Variants in MAP4K4 observed in about 807,000 individuals in gnomAD.
MAP4K4 encodes the protein HPK/GCK-like kinase HGK.
A neutral mutation model predicts 189.6 loss-of-function variants in MAP4K4; 38 were observed. That is an observed-to-expected ratio of 0.20 (90% CI 0.15 to 0.26). The LOEUF is 0.26. Among genes scored for constraint, MAP4K4 ranks in the 10% least tolerant of loss-of-function variants. The pLI is 1.00. For synonymous variants in MAP4K4, 610 were observed against 624.3 expected (o/e 0.98, Z 0.34); for missense variants, 1,054 against 1,726.9 (o/e 0.61, Z 6.91).
intron 2 of MAP4K4, among the ~76,000 whole-genome samples, chr2:101,745,449 A>AG (rs1480475082): frequency 7.5e-5 from 6 of 79,538 alleles, no homozygotes; most frequent in East Asian, 1.4e-3. Flanking sequence ...AAAAAAAAAA[A>AG]AAAAAAAAAG....
exon 33 of MAP4K4, chr2:101,891,413 A>G (rs1262713714): frequency 1.7e-6 from 1 of 594,024 alleles, no homozygotes; most frequent in Non-Finnish European, 3.0e-6. Context: ...TTCCTCTTAT[A>G]TACCAGTTTA....
At chr2:101,759,542 CTCCCCTCCCCT>C (rs1558774253) in intron 2 of MAP4K4, among the ~76,000 whole-genome samples, 82 of 31,352 alleles carry the variant, frequency 2.6e-3, no homozygotes, top group South Asian at 4.7e-3. Context: ...CCCCATTCCA[CTCCCCTCCCCT>C]CTCCCCTCCC....
rs573097396 is a variant in MAP4K4, at chr2:101,870,224, C to T, written c.2640-71C>T. 7.0e-5 allele frequency: 106 copies of T among 1,521,624 alleles called. No homozygotes were observed. In the African/African-American group the frequency reaches 1.1e-3, roughly 16 times the overall value. The allele number at this position is 1,521,624 out of a possible 1,614,324, so 94.3% of individuals were successfully genotyped here. A position where few individuals can be genotyped will look rare whatever the true frequency, so the allele number is the denominator to read the frequency against. On this transcript the variant is annotated intron_variant, in intron 22 of 32. Transcript: ENST00000324219. Reference sequence around the variant, plus strand: ...ATCTCATGTTTTGATTTTGAGAAGGCGAAAAGCCTAAACAGGATCTCCTTG... The same window carrying T: ...ATCTCATGTTTTGATTTTGAGAAGGTGAAAAGCCTAAACAGGATCTCCTTG...
intron 10 of MAP4K4, among the ~76,000 whole-genome samples, chr2:101,842,391 A>G (rs926296455): frequency 2.6e-5 from 4 of 152,144 alleles, no homozygotes; most frequent in African/African-American, 7.2e-5. Context: ...ATGCCGTGGA[A>G]TCAGCTTTTC....
chr2:101,801,716 G>A (rs2094393941), intron 3 of MAP4K4, among the ~76,000 whole-genome samples: 1 of 152,140 alleles, frequency 6.6e-6, no homozygotes, highest in Non-Finnish European at 1.5e-5. Flanking sequence ...ATGGTGTCAG[G>A]CCTCAGGACT....
intron 16 of MAP4K4, among the ~76,000 whole-genome samples, chr2:101,862,616 A>C (rs1158738444): frequency 6.6e-6 from 1 of 152,156 alleles, no homozygotes; most frequent in Non-Finnish European, 1.5e-5. Flanking sequence ...ATTTGTTATG[A>C]ATTTGTGTAG....
Position 101,859,594 on chromosome 2 carries a change from G to A in MAP4K4, c.1483-49G>A, listed in dbSNP as rs182651265. On this transcript the variant is annotated intron_variant, in intron 14 of 32. Transcript: ENST00000324219. ...AGCCGAACAAATCCAGAGAAGAGGCGAGCTCTCCAGTGTCCCATAGATTTA... is the reference window on the plus strand; with the variant it reads ...AGCCGAACAAATCCAGAGAAGAGGCAAGCTCTCCAGTGTCCCATAGATTTA... 3,260 of 1,349,146 alleles carry A rather than the reference G, an allele frequency of 2.4e-3. 5 individuals are homozygous for A. Among genetic ancestry groups the A allele is most frequent in the Non-Finnish European group, 2.8e-3 (2,721 of 978,314 alleles). The allele number at this position is 1,349,146 out of a possible 1,614,324, so 83.6% of individuals were successfully genotyped here.
In MAP4K4 at chr2:101,804,027, T is replaced by G. The variant is rs1026434471; in HGVS notation, c.180+13251T>G. On this transcript the variant is annotated intron_variant, in intron 3 of 32. Transcript: ENST00000324219. ...TGTTAATCCATAAATGGCCTCAGCG[T>G]TGCGGGAAGCCAGGCTCTCTCTGCT... 2.0e-5 allele frequency among the ~76,000 whole-genome samples: 3 copies of G among 152,152 alleles called. No individual in the cohort carries two copies. The East Asian group carries it at 5.8e-4, about 29-fold the overall frequency.
Position 101,698,152 on chromosome 2 carries a change from G to T in MAP4K4, c.57+15G>T. On this transcript the variant is annotated intron_variant, in intron 1 of 32. Transcript: ENST00000324219. ...CCTCCCTGCGGGTGAGTGGGCCCGC[G>T]AGCGGGCGCGCGGGGAGCGGGCAGC... 1 of 1,198,336 alleles carries T rather than the reference G, an allele frequency of 8.3e-7. No individual in the cohort carries two copies. The highest frequency in any genetic ancestry group is 1.7e-5 in the African/African-American group (1 of 60,458). 74.2% of individuals were successfully genotyped at this position (1,198,336 alleles called of 1,614,324 possible). A position where few individuals can be genotyped will look rare whatever the true frequency, so the allele number is the denominator to read the frequency against.
chr2:101,859,208 A>T (rs2097561734), intron 14 of MAP4K4, 126 bp downstream of exon 14: 1 of 707,318 alleles, frequency 1.4e-6, no homozygotes. Context: ...TGAAATAGTG[A>T]TGCCCATTTT....
intron 2 of MAP4K4, among the ~76,000 whole-genome samples, chr2:101,766,843 CACAA>C (rs1361514680): frequency 1.3e-5 from 2 of 152,084 alleles, no homozygotes; most frequent in African/African-American, 4.8e-5. Flanking sequence ...GGACAAAATG[CACAA>C]ACAAAGCAAG....
chr2:101,777,878 T>G (rs2150480912), intron 2 of MAP4K4, among the ~76,000 whole-genome samples: 1 of 152,362 alleles, frequency 6.6e-6, no homozygotes, highest in Middle Eastern at 3.4e-3. Flanking sequence ...TTGCAAGAAG[T>G]GAAGAGACTT....
intron 12 of MAP4K4, among the ~76,000 whole-genome samples, chr2:101,853,711 T>TATG (rs1440445023): frequency 6.6e-6 from 1 of 152,150 alleles, no homozygotes; most frequent in African/African-American, 2.4e-5. Context: ...CATTATCGTG[T>TATG]ATGTGCACAT....
chr2:101,893,054 T>G (rs1411579896), exon 33 of MAP4K4: 4 of 456,442 alleles, frequency 8.8e-6, no homozygotes, highest in Non-Finnish European at 1.8e-5. Context: ...TTCCCTCTGC[T>G]CCCACCCACC....
chr2:101,724,808 A>C (rs2054314768), intron 2 of MAP4K4, among the ~76,000 whole-genome samples: 1 of 152,248 alleles, frequency 6.6e-6, no homozygotes, highest in Non-Finnish European at 1.5e-5. Context: ...AAGTGACTGC[A>C]TAGCCAGGTT....
intron 2 of MAP4K4, among the ~76,000 whole-genome samples, chr2:101,756,204 A>T (rs2072684201): frequency 6.6e-6 from 1 of 152,086 alleles, no homozygotes; most frequent in Admixed American, 6.5e-5. Flanking sequence ...TCGGCCTCCC[A>T]AAGTGCTGGG....
In MAP4K4 at chr2:101,887,070, CT is replaced by C. The variant is rs779186324; in HGVS notation, c.3622-16del. 33 of 1,450,762 alleles carry C rather than the reference CT, an allele frequency of 2.3e-5. No individual in the cohort carries two copies. Among genetic ancestry groups the C allele is most frequent in the African/African-American group, 2.2e-4 (15 of 68,444 alleles). The allele number at this position is 1,450,762 out of a possible 1,614,324, so 89.9% of individuals were successfully genotyped here. On this transcript the variant is annotated splice_polypyrimidine_tract_variant and intron_variant, in intron 29 of 32. Coordinates refer to ENST00000324219, the Ensembl canonical transcript of MAP4K4. ...TGTTCTCCTTCATCTTCTCACTTCT[CT>C]TATGGCTTCTTTGCAGTCATTTGGA...
At chr2:101,724,078 T>C (rs745684302) in intron 2 of MAP4K4, among the ~76,000 whole-genome samples, 1 of 152,242 alleles carries the variant, frequency 6.6e-6, no homozygotes, top group African/African-American at 2.4e-5. Flanking sequence ...TTTAGTTCTA[T>C]GTTTGACATG....
chr2:101,714,774 TGG>T (rs1266252583), intron 2 of MAP4K4, among the ~76,000 whole-genome samples: 5 of 152,336 alleles, frequency 3.3e-5, no homozygotes, highest in African/African-American at 9.6e-5. Flanking sequence ...TCAAACTCTC[TGG>T]TAAAAGAATG....
Sources: gnomAD v4.1 joint callset for allele counts (sites outside exome capture counted in the v4.1 genomes callset) on GRCh38, gnomAD v4.1.1 for gene constraint, MANE v1.5 for transcripts, NCBI Gene and HGNC (gene_info 2026-07-23, HGNC 2026-07-21) for gene names.